AMPH: variants seen among roughly 807,000 people sequenced by gnomAD.
AMPH encodes the protein amphiphysin (Stiff-Mann syndrome with breast cancer 128kD autoantigen).
AMPH carries 49 observed loss-of-function variants against 99.1 expected under a neutral mutation model. The ratio of observed to expected loss-of-function variants is 0.49; its 90% CI spans 0.39 to 0.63. The LOEUF (loss-of-function observed/expected upper bound fraction) is 0.63. Among genes scored for constraint, AMPH ranks in the 20% least tolerant of loss-of-function variants. The probability of loss-of-function intolerance (pLI) is 0.00; values close to 1 mark genes in which losing one functional copy is unlikely to be tolerated. For synonymous variants in AMPH, 314 were observed against 317.3 expected, an observed-to-expected ratio of 0.99 and a Z score of 0.11; for missense variants, 759 against 863.4, an observed-to-expected ratio of 0.88 and a Z score of 1.52.
At chr7:38,578,083 A>G (rs1792312526) in intron 1 of AMPH, among the ~76,000 whole-genome samples, 1 of 152,306 alleles carries the variant, frequency 6.6e-6, no homozygotes, top group Non-Finnish European at 1.5e-5. Context: ...ACACTGCCAC[A>G]CACTTATAGG....
At chr7:38,488,379 A>T (rs193027638) in intron 5 of AMPH, among the ~76,000 whole-genome samples, 228 of 152,302 alleles carry the variant, frequency 1.5e-3, no homozygotes, top group African/African-American at 4.9e-3. Context: ...TTGCAGGGAC[A>T]TGGATGAAGC....
chr7:38,566,979 G>A (rs928342604), intron 1 of AMPH, among the ~76,000 whole-genome samples: 1 of 152,176 alleles, frequency 6.6e-6, no homozygotes, highest in African/African-American at 2.4e-5. Context: ...AAGACAGTGT[G>A]GCAATTCCTC....
chr7:38,421,073 G>T (rs962637358), intron 16 of AMPH: 2 of 456,464 alleles, frequency 4.4e-6, no homozygotes, highest in African/African-American at 4.0e-5. Flanking sequence ...ACATGACAAA[G>T]CTAAGTTCCC....
intron 1 of AMPH, among the ~76,000 whole-genome samples, chr7:38,602,101 A>G (rs966669755): frequency 6.6e-6 from 1 of 152,150 alleles, no homozygotes; most frequent in African/African-American, 2.4e-5. Flanking sequence ...GGAGGATGTT[A>G]AGCACAAGCC....
chr7:38,408,368 A>G (rs1442136208), intron 17 of AMPH, among the ~76,000 whole-genome samples: 2 of 152,218 alleles, frequency 1.3e-5, no homozygotes, highest in Admixed American at 6.5e-5. Flanking sequence ...TACACATACT[A>G]TCTGGGCATC....
At chr7:38,443,491 G>A (rs558141431) in intron 11 of AMPH, among the ~76,000 whole-genome samples, 70 of 152,048 alleles carry the variant, frequency 4.6e-4, no homozygotes, top group African/African-American at 1.7e-3. Context: ...CAGATAAAAA[G>A]GATAACATAT....
At chr7:38,522,188 T>C (rs1789989961) in intron 2 of AMPH, among the ~76,000 whole-genome samples, 1 of 152,232 alleles carries the variant, frequency 6.6e-6, no homozygotes, top group African/African-American at 2.4e-5. Flanking sequence ...TATTGATAAC[T>C]GCCATCCTAT....
rs771785238 is a variant in AMPH, at chr7:38,417,940, T to G, written c.1283A>C (p.Glu428Ala). Reference protein sequence around the residue: ...QSMICNLAESEQAPPTEPKAE... With the variant: ...QSMICNLAESAQAPPTEPKAE... Reference sequence around the variant, plus strand: ...TTTTGGCTCTGTGGGTGGAGCCTGTTCAGATTCAGCCTTGGAGTGTTTGTT... The same window carrying G: ...TTTTGGCTCTGTGGGTGGAGCCTGTGCAGATTCAGCCTTGGAGTGTTTGTT... Residue 428 changes from glutamate to alanine, a missense_variant, in exon 17 of 21, where the codon GAA becomes GCA. This residue lies in a region of AMPH where 554 missense variants were observed against 575.6 expected (regional missense o/e 0.96). Coordinates refer to ENST00000356264, the MANE Select transcript of AMPH (RefSeq NM_001635.4). 3.7e-6 allele frequency: 6 copies of G among 1,613,962 alleles called. No homozygotes were observed. The highest frequency in any genetic ancestry group is 5.1e-6 in the Non-Finnish European group (6 of 1,179,952).
intron 14 of AMPH, chr7:38,429,376 G>T (rs1163847938): frequency 3.1e-6 from 4 of 1,290,360 alleles, no homozygotes; most frequent in Non-Finnish European, 4.0e-6. Context: ...CTTATGTCTT[G>T]CTCTGTTTCG....
chr7:38,527,128 T>A (rs149722912), intron 2 of AMPH, among the ~76,000 whole-genome samples: 12 of 152,264 alleles, frequency 7.9e-5, no homozygotes, highest in Non-Finnish European at 1.3e-4. Flanking sequence ...TACATGTCTA[T>A]CTCTCTGCCA....
intron 1 of AMPH, among the ~76,000 whole-genome samples, chr7:38,581,913 T>G (rs1792480455): frequency 6.6e-6 from 1 of 151,910 alleles, no homozygotes; most frequent in African/African-American, 2.4e-5. Flanking sequence ...AAGACGGAGA[T>G]GGGGTGCTCA....
At chr7:38,454,488 G>A (rs1787153203) in intron 11 of AMPH, among the ~76,000 whole-genome samples, 1 of 151,714 alleles carries the variant, frequency 6.6e-6, no homozygotes, top group South Asian at 2.1e-4. Context: ...TAGTTTCAGT[G>A]ACACTAGAGG....
chr7:38,625,237 C>T (rs1375304729), intron 1 of AMPH, among the ~76,000 whole-genome samples: 1 of 152,094 alleles, frequency 6.6e-6, no homozygotes, highest in Non-Finnish European at 1.5e-5. Context: ...CAGATTACCA[C>T]AAAAGGGCAG....
rs201765719 is a variant in AMPH at position 38,620,548 on chromosome 7, T to TACACACACAC, written c.69+10725_69+10734dup. On this transcript the variant is annotated intron_variant, in intron 1 of 20. Transcript: ENST00000356264. Reference sequence around the variant, plus strand: ...CATCTATGCTATATATATACATACATACACACACACACACACACACACACA... The same window carrying TACACACACAC: ...CATCTATGCTATATATATACATACATACACACACACACACACACACACACACACACACACA... Among the ~76,000 whole-genome samples the TACACACACAC allele has an allele frequency of 5.6e-4, 74 of 133,180 alleles. 1 individual carries two copies. Among genetic ancestry groups the TACACACACAC allele is most frequent in the East Asian group, 9.8e-4 (4 of 4,072 alleles). The allele number at this position is 133,180 out of a possible 152,430, so 87.4% of individuals were successfully genotyped here. A position where few individuals can be genotyped will look rare whatever the true frequency, so the allele number is the denominator to read the frequency against.
chr7:38,581,018 T>C (rs935417132), intron 1 of AMPH, among the ~76,000 whole-genome samples: 1 of 152,176 alleles, frequency 6.6e-6, no homozygotes, highest in Non-Finnish European at 1.5e-5. Flanking sequence ...CATAAAATGG[T>C]CTACTTTCCA....
chr7:38,549,959 G>A (rs1482080410), intron 1 of AMPH, among the ~76,000 whole-genome samples: 1 of 152,160 alleles, frequency 6.6e-6, no homozygotes, highest in East Asian at 1.9e-4. Flanking sequence ...CCACTCCTGT[G>A]TATCTGTTAA....
rs1217492420 is a variant in AMPH at position 38,385,070 on chromosome 7, T to C, written c.1981-145A>G. On this transcript the variant is annotated intron_variant, in intron 20 of 20. Transcript: ENST00000356264. ...AGGTAAAGTGCTGTGCCGTGATCAA[T>C]GGGAAGGCCTATCCCAAATAAGTTG... 4 of 609,522 alleles carry C rather than the reference T, an allele frequency of 6.6e-6. No homozygotes were observed. The East Asian group carries it at 8.3e-5, about 13-fold the overall frequency. The allele number at this position is 609,522 out of a possible 1,614,324, so 37.8% of individuals were successfully genotyped here.
chr7:38,482,550 T>C (rs1788326711), intron 5 of AMPH, among the ~76,000 whole-genome samples: 1 of 152,196 alleles, frequency 6.6e-6, no homozygotes. Context: ...GCTTGTATTC[T>C]GAAATTACAT....
At chr7:38,389,720 AC>A in intron 20 of AMPH, 83 bp downstream of exon 20, 1 of 1,052,100 alleles carries the variant, frequency 9.5e-7, no homozygotes, top group Non-Finnish European at 1.5e-6. Flanking sequence ...GAAAATAGAA[AC>A]ATCTTTAGGA....
Sources: gnomAD v4.1 joint callset for allele counts (sites outside exome capture counted in the v4.1 genomes callset) on GRCh38, gnomAD v4.1.1 for gene constraint, gnomAD v4.1.1 regional missense constraint, MANE v1.5 for transcripts, NCBI Gene and HGNC (gene_info 2026-07-23, HGNC 2026-07-21) for gene names.